Variants in IL4R observed in about 807,000 individuals in gnomAD.
The protein encoded by IL4R is interleukin-4 receptor subunit alpha.
In IL4R, 17 loss-of-function variants were observed where a neutral mutation model predicts 41.5. That is an observed-to-expected ratio of 0.41 (90% CI 0.28 to 0.61). The LOEUF (loss-of-function observed/expected upper bound fraction) is 0.61, where lower values mean the gene tolerates loss of function less well. IL4R is among the 20% of genes least tolerant of loss of function. IL4R has a pLI of 0.31. For missense variants in IL4R, 974 were observed against 1,043.1 expected (o/e 0.93, Z 0.91); for synonymous variants, 402 against 422.9 (o/e 0.95, Z 0.61).
intron 1 of IL4R, among the ~76,000 whole-genome samples, chr16:27,321,587 A>G (rs1026743838): frequency 1.3e-5 from 2 of 152,176 alleles, no homozygotes; most frequent in Non-Finnish European, 2.9e-5. Context: ...TAAAATCTCC[A>G]TGTTTCTCTT....
chr16:27,346,434 T>A (rs780220588), intron 5 of IL4R, 33 bp from the exon 6 acceptor site: 1 of 1,613,362 alleles, frequency 6.2e-7, no homozygotes, highest in South Asian at 1.1e-5. Context: ...AGTCACTGCA[T>A]AGATCCTCAC....
At position 27,344,528 on chromosome 16, in the gene IL4R, G is replaced by A. The variant is rs149311794; in HGVS notation, c.210-341G>A. ...TTATCTTACGATGGCCAAACTGTGC[G>A]ATGCAGAGCTTATGTTGTTCTAAAT... On this transcript the variant is annotated intron_variant, in intron 4 of 10. Transcript: ENST00000395762. 5.3e-3 allele frequency among the ~76,000 whole-genome samples: 801 copies of A among 152,282 alleles called. 3 individuals are homozygous for A. The highest frequency in any genetic ancestry group is 0.01 in the Middle Eastern group (3 of 294).
Position 27,316,906 on chromosome 16 carries a change from CT to C in IL4R, c.-152+2900del, listed in dbSNP as rs34508839. Among the ~76,000 whole-genome samples the C allele has an allele frequency of 5.8e-3, 847 of 145,714 alleles. 9 individuals are homozygous for C. Among genetic ancestry groups the C allele is most frequent in the African/African-American group, 0.015 (581 of 39,454 alleles). On this transcript the variant is annotated intron_variant, in intron 1 of 10. Coordinates refer to ENST00000395762, the MANE Select transcript of IL4R (RefSeq NM_000418.4). Reference sequence around the variant, plus strand: ...AACTATGTATTTGTTAAATGAATACCTTTTTTTTTTTTTTAGAGCCATGGTC... The same window carrying C: ...AACTATGTATTTGTTAAATGAATACCTTTTTTTTTTTTTAGAGCCATGGTC...
At chr16:27,332,559 C>T (rs2085141349) in intron 2 of IL4R, among the ~76,000 whole-genome samples, 1 of 152,076 alleles carries the variant, frequency 6.6e-6, no homozygotes, top group South Asian at 2.1e-4. Context: ...AGTGCCTTCT[C>T]TCTCATTTTT....
intron 1 of IL4R, among the ~76,000 whole-genome samples, chr16:27,320,557 T>A (rs2084785159): frequency 6.6e-6 from 1 of 152,106 alleles, no homozygotes; most frequent in East Asian, 1.9e-4. Flanking sequence ...GAGTCCAGAT[T>A]CAAACCCAGG....
chr16:27,327,330 C>A (rs1327829491), intron 1 of IL4R, among the ~76,000 whole-genome samples: 1 of 152,188 alleles, frequency 6.6e-6, no homozygotes, highest in East Asian at 1.9e-4. Flanking sequence ...CCCCTGCCAC[C>A]CGCTGTGGGT....
chr16:27,346,462 C>T lies in IL4R; in HGVS notation c.362-5C>T, dbSNP rs1358286376. The T allele has an allele frequency of 1.3e-5, 21 of 1,614,052 alleles. No homozygotes were observed. Among genetic ancestry groups the T allele is most frequent in the Admixed American group, 8.3e-5 (5 of 60,010 alleles). On this transcript the variant is annotated splice_polypyrimidine_tract_variant and splice_region_variant and intron_variant, in intron 5 of 10. Transcript: ENST00000395762. ...ATCCTCACATAGAGGCCGCTTCTCC[C>T]GCAGTGAAACCCAGGGCCCCAGGAA...
At chr16:27,329,836 T>C (rs113585865) in intron 1 of IL4R, among the ~76,000 whole-genome samples, 21 of 152,018 alleles carry the variant, frequency 1.4e-4, no homozygotes, top group African/African-American at 4.1e-4. Context: ...CAGGGTGCTG[T>C]GATAAGAAGT....
chr16:27,352,417 C>T, intron 6 of IL4R, 123 bp from the exon 7 acceptor site: 2 of 756,856 alleles, frequency 2.6e-6, no homozygotes, highest in Non-Finnish European at 4.4e-6. Flanking sequence ...ACAGGACGAA[C>T]AACCAAATAC....
chr16:27,337,328 C>T (rs142189414), intron 2 of IL4R, among the ~76,000 whole-genome samples: 103 of 152,158 alleles, frequency 6.8e-4, no homozygotes, highest in African/African-American at 2.3e-3. Context: ...GCAACACCTC[C>T]GTTCCTGTTT....
chr16:27,363,070 G>A lies in IL4R; in HGVS notation c.1718G>A (p.Ser573Asn), dbSNP rs2141227351. 1 of 1,614,136 alleles carries A rather than the reference G, an allele frequency of 6.2e-7. No homozygotes were observed. The highest frequency in any genetic ancestry group is 1.6e-4 in the Middle Eastern group (1 of 6,062). Residue 573 changes from serine (S) to asparagine (N), a missense_variant, in exon 11 of 11, where the codon AGT becomes AAT. Physicochemically the swap from Ser to Asn is conservative, Grantham distance 46. This residue lies in a region of IL4R where 682 missense variants were observed against 704.3 expected (regional missense o/e 0.97). Coordinates refer to ENST00000395762, the MANE Select transcript of IL4R (RefSeq NM_000418.4). ...GCAGCCCCCGTCTCGGCCCCCACCA[G>A]TGGCTATCAGGAGTTTGTACATGCG... ...AAAAPVSAPT[S>N]GYQEFVHAVE...
intron 7 of IL4R, chr16:27,354,270 C>T (rs1371662111): frequency 6.6e-6 from 1 of 152,192 alleles, no homozygotes; most frequent in East Asian, 1.9e-4. Flanking sequence ...TATCTCTTCC[C>T]TTCTGCTGTC....
intron 9 of IL4R, chr16:27,359,927 CG>C: frequency 3.4e-5 from 6 of 177,624 alleles, no homozygotes; most frequent in South Asian, 1.7e-4. Context: ...GTGAGGGTGG[CG>C]GGGGAGGCTG....
chr16:27,314,671 G>A (rs1302209409), intron 1 of IL4R, among the ~76,000 whole-genome samples: 1 of 152,102 alleles, frequency 6.6e-6, no homozygotes, highest in African/African-American at 2.4e-5. Context: ...AGTCCGTGGG[G>A]CAGCAGGACT....
intron 3 of IL4R, chr16:27,340,960 T>G (rs1017164198): frequency 7.1e-6 from 3 of 422,632 alleles, no homozygotes; most frequent in Non-Finnish European, 9.2e-6. Context: ...TGGAGGAGAG[T>G]GAGCAGCAGG....
chr16:27,359,869 T>C (rs1033090665), intron 9 of IL4R: 4 of 454,726 alleles, frequency 8.8e-6, no homozygotes, highest in Non-Finnish European at 1.8e-5. Context: ...ACAACAACTT[T>C]ATTTAGCTTA....
intron 1 of IL4R, among the ~76,000 whole-genome samples, chr16:27,320,041 A>G (rs553229241): frequency 2.4e-4 from 36 of 152,012 alleles, no homozygotes; most frequent in Admixed American, 2.2e-3. Context: ...TAATTTTTGT[A>G]TTTTTAGTAG....
chr16:27,314,452 A>G (rs149851630), intron 1 of IL4R, among the ~76,000 whole-genome samples: 1 of 152,354 alleles, frequency 6.6e-6, no homozygotes, highest in East Asian at 1.9e-4. Context: ...GTAGTAGGTC[A>G]GTGAATCGGG....
chr16:27,322,132 C>T (rs143010877), intron 1 of IL4R, among the ~76,000 whole-genome samples: 5 of 151,480 alleles, frequency 3.3e-5, no homozygotes, highest in Admixed American at 3.3e-4. Context: ...ATTTACCTCC[C>T]ACCGTAATAC....
Sources: gnomAD v4.1 joint callset for allele counts (sites outside exome capture counted in the v4.1 genomes callset) on GRCh38, gnomAD v4.1.1 for gene constraint, gnomAD v4.1.1 regional missense constraint, MANE v1.5 for transcripts, NCBI Gene and HGNC (gene_info 2026-07-23, HGNC 2026-07-21) for gene names.